The following TGS1 variants were observed in gnomAD, a reference collection of about 807,000 sequenced individuals.
TGS1 encodes the protein trimethylguanosine synthase.
In TGS1, 69 loss-of-function variants were observed where a neutral mutation model predicts 92.2. The observed-to-expected ratio is 0.75, with a 90% confidence interval of 0.62 to 0.91. TGS1 has a LOEUF of 0.91. Ranked by LOEUF, TGS1 falls within the 40% of genes least tolerant of loss-of-function variation. The pLI, the probability that TGS1 is intolerant of heterozygous loss-of-function variation, is 0.00. For missense variants in TGS1, 1,062 were observed against 1,001.2 expected (o/e 1.06, Z -0.82); for synonymous variants, 345 against 338.1 (o/e 1.02, Z -0.22).
chr8:55,794,537 G>T (rs1266185107), intron 6 of TGS1, among the ~76,000 whole-genome samples: 1 of 152,208 alleles, frequency 6.6e-6, no homozygotes, highest in African/African-American at 2.4e-5. Flanking sequence ...GCTGAGGTAA[G>T]AAGATTGCCT....
intron 12 of TGS1, among the ~76,000 whole-genome samples, chr8:55,814,695 A>ATG (rs1803429319): frequency 6.8e-6 from 1 of 146,008 alleles, no homozygotes; most frequent in African/African-American, 2.5e-5. Flanking sequence ...ATATATATAT[A>ATG]TATGTACACA....
At position 55,802,305 on chromosome 8, in the gene TGS1, C is replaced by T. The variant is rs188458447; in HGVS notation, c.1850-152C>T. ...TGCTGGTGGTGATTGAAGCCAGTGG[C>T]GTTTCCATCAGGCTCTCCTGTTTCT... On this transcript the variant is annotated intron_variant, in intron 8 of 12. Transcript: ENST00000260129. 37 of 592,026 alleles carry T rather than the reference C, an allele frequency of 6.2e-5. No individual in the cohort carries two copies. In the Admixed American group the frequency reaches 7.9e-4, roughly 13 times the overall value. The allele number at this position is 592,026 out of a possible 1,614,324, so 36.7% of individuals were successfully genotyped here.
intron 2 of TGS1, among the ~76,000 whole-genome samples, chr8:55,784,204 A>C (rs1001583978): frequency 1.3e-5 from 2 of 152,222 alleles, no homozygotes; most frequent in African/African-American, 4.8e-5. Context: ...TTAATAGAGC[A>C]CTTGAATGGC....
In TGS1 at chr8:55,782,759, T is replaced by C; in HGVS notation, c.113T>C (p.Leu38Ser). The C allele has an allele frequency of 6.2e-7, 1 of 1,610,794 alleles. No individual in the cohort carries two copies. The highest frequency in any genetic ancestry group is 1.7e-5 in the Admixed American group (1 of 59,352). Residue 38 changes from leucine (L) to serine (S), a missense_variant, in exon 2 of 13, where the codon TTG (leucine) becomes TCG (serine). By Grantham distance (145) the Leu-to-Ser change is moderately radical. Coordinates refer to ENST00000260129, the MANE Select transcript of TGS1 (RefSeq NM_024831.8). ...AATCTGCTTCGCAGGGATCGAAAAT[T>C]GTACAATTTGGGATTAAAAGGCTAT... ...CSRAFVEDRKLYNLGLKGYYI... is the reference protein window; with the variant it reads ...CSRAFVEDRKSYNLGLKGYYI...
At chr8:55,787,123 A>C in intron 4 of TGS1, 63 bp downstream of exon 4, 1 of 1,102,654 alleles carries the variant, frequency 9.1e-7, no homozygotes, top group South Asian at 1.6e-5. Context: ...ATTTAGCAAA[A>C]TAACTACTAA....
chr8:55,824,714 G>A lies in TGS1; in HGVS notation c.*11G>A, dbSNP rs776219371. The A allele has an allele frequency of 3.7e-5, 60 of 1,613,822 alleles. No homozygotes were observed. Among genetic ancestry groups the A allele is most frequent in the South Asian group, 2.0e-4 (18 of 91,022 alleles). On this transcript the variant is annotated 3_prime_UTR_variant, in exon 13 of 13. Transcript: ENST00000260129. The stretch of plus-strand genomic sequence containing the variant: ...GCCTCTGAAACCTAACTATGCAGCA[G>A]TGCGAGGACAAAAGATCATGGAGTG...
At chr8:55,810,811 A>T (rs1360315108) in intron 10 of TGS1, 70 bp from the exon 11 acceptor site, 5 of 1,321,220 alleles carry the variant, frequency 3.8e-6, no homozygotes, top group Non-Finnish European at 4.3e-6. Context: ...AGACTATTCG[A>T]AAGACAAACT....
intron 8 of TGS1, 118 bp from the exon 9 acceptor site, chr8:55,802,339 G>A (rs1585778085): frequency 1.3e-6 from 1 of 778,684 alleles, no homozygotes; most frequent in East Asian, 2.6e-5. Flanking sequence ...CTCTGGGCGT[G>A]TCATTATATA....
intron 7 of TGS1, among the ~76,000 whole-genome samples, chr8:55,797,105 C>T (rs1475750030): frequency 6.6e-6 from 1 of 152,116 alleles, no homozygotes; most frequent in Non-Finnish European, 1.5e-5. Flanking sequence ...TAAAGACATA[C>T]CCAAGACTGG....
At position 55,813,125 on chromosome 8, in the gene TGS1, C is replaced by T. The variant is rs369104977; in HGVS notation, c.2439+7C>T. ...AAATGCTGATATTGACCAGGTAAGCCATTACTGAAAAACTTCCATGAGTGT... is the reference window on the plus strand; with the variant it reads ...AAATGCTGATATTGACCAGGTAAGCTATTACTGAAAAACTTCCATGAGTGT... On this transcript the variant is annotated splice_region_variant and intron_variant, in intron 12 of 12. Coordinates refer to ENST00000260129, the MANE Select transcript of TGS1 (RefSeq NM_024831.8). 7 of 1,596,948 alleles carry T rather than the reference C, an allele frequency of 4.4e-6. No individual in the cohort carries two copies. Among genetic ancestry groups the T allele is most frequent in the Non-Finnish European group, 6.0e-6 (7 of 1,166,418 alleles).
intron 1 of TGS1, among the ~76,000 whole-genome samples, chr8:55,773,991 C>T (rs1329736472): frequency 6.6e-6 from 1 of 152,136 alleles, no homozygotes; most frequent in African/African-American, 2.4e-5. Context: ...ATCGAGGGGA[C>T]ATTTAAAAAT....
At chr8:55,778,907 A>G (rs1359950666) in intron 1 of TGS1, among the ~76,000 whole-genome samples, 2 of 152,208 alleles carry the variant, frequency 1.3e-5, no homozygotes, top group East Asian at 1.9e-4. Flanking sequence ...CTTAGGCATC[A>G]TAGTGATGAT....
chr8:55,787,811 A>G (rs1032961097), intron 4 of TGS1, among the ~76,000 whole-genome samples: 4 of 152,156 alleles, frequency 2.6e-5, no homozygotes, highest in Admixed American at 6.5e-5. Context: ...CTCAGCATCA[A>G]CTCCTGGTGA....
At chr8:55,788,943 G>C (rs6474020) in intron 4 of TGS1, among the ~76,000 whole-genome samples, 127,579 of 152,158 alleles carry the variant, frequency 0.84, 53,945 homozygotes, top group African/African-American at 0.95. Flanking sequence ...TTTTTCTTTG[G>C]CAGACACAGT....
chr8:55,801,543 G>A (rs1258320980), intron 8 of TGS1, among the ~76,000 whole-genome samples: 1 of 143,742 alleles, frequency 7.0e-6, no homozygotes, highest in Non-Finnish European at 1.5e-5. Context: ...CAAAGTGCTG[G>A]GATTATAGGC....
At chr8:55,795,498 T>C (rs1012871812) in intron 6 of TGS1, among the ~76,000 whole-genome samples, 2 of 152,198 alleles carry the variant, frequency 1.3e-5, no homozygotes, top group African/African-American at 4.8e-5. Flanking sequence ...AAATTTCAGA[T>C]GGTTAAATCA....
At chr8:55,792,862 A>G in intron 6 of TGS1, 78 bp downstream of exon 6, 1 of 889,054 alleles carries the variant, frequency 1.1e-6, no homozygotes, top group African/African-American at 1.7e-5. Flanking sequence ...ATACTCAGAT[A>G]ACTAATAAAT....
At chr8:55,810,654 A>C (rs752634947) in intron 10 of TGS1, among the ~76,000 whole-genome samples, 2 of 152,232 alleles carry the variant, frequency 1.3e-5, no homozygotes, top group Non-Finnish European at 2.9e-5. Flanking sequence ...TGAGACAAGA[A>C]AGCCAAGTCC....
chr8:55,824,915 G>T lies in TGS1; in HGVS notation c.*212G>T. 6.0e-6 allele frequency: 3 copies of T among 499,868 alleles called. No individual in the cohort carries two copies. The South Asian group carries it at 8.6e-5, about 14-fold the overall frequency. The allele number at this position is 499,868 out of a possible 1,614,324, so 31.0% of individuals were successfully genotyped here. ...AATTATACAAAATTAATATATATGA[G>T]TCCTTTGTAATTTATTTTTTTTTGA... On this transcript the variant is annotated 3_prime_UTR_variant, in exon 13 of 13. Transcript: ENST00000260129.
Sources: allele counts gnomAD v4.1 joint callset (sites outside exome capture counted in the v4.1 genomes callset), GRCh38; gene constraint gnomAD v4.1.1; transcripts MANE v1.5; gene names NCBI Gene and HGNC (gene_info 2026-07-23, HGNC 2026-07-21).